LZTS1: variants seen among roughly 807,000 people sequenced by gnomAD.
LZTS1 encodes the protein leucine zipper putative tumor suppressor 1.
In LZTS1, 31 loss-of-function variants were observed where a neutral mutation model predicts 45.8. That is an observed-to-expected ratio of 0.68 (90% CI 0.51 to 0.91). The LOEUF is 0.91. Ranked by LOEUF, LZTS1 falls within the 40% of genes least tolerant of loss-of-function variation. LZTS1 has a pLI of 0.00. For synonymous variants in LZTS1, 359 were observed against 357.3 expected, an observed-to-expected ratio of 1.00 and a Z score of -0.05; for missense variants, 821 against 788.9, an observed-to-expected ratio of 1.04 and a Z score of -0.49.
In LZTS1 at chr8:20,255,126, C is replaced by A. The variant is rs201301606; in HGVS notation, c.56G>T (p.Arg19Leu). 1.2e-6 allele frequency: 2 copies of A among 1,614,120 alleles called. No homozygotes were observed. The highest frequency in any genetic ancestry group is 1.7e-5 in the Admixed American group (1 of 60,012). Residue 19 changes from arginine (R) to leucine (L), a missense_variant, in exon 2 of 4, where the codon CGG (arginine) becomes CTG (leucine). Coordinates refer to ENST00000381569, the MANE Select transcript of LZTS1 (RefSeq NM_021020.5). ...CTTGCGCAGCTTGTACTGCGAAGCC[C>A]GGCAGTGCTTGCTGTGGAAGCTGTG... ...SGHSFHSKHC[R>L]ASQYKLRKSS...
chr8:20,271,021 C>A (rs1274126651), intron 1 of LZTS1, among the ~76,000 whole-genome samples: 2 of 152,028 alleles, frequency 1.3e-5, no homozygotes, highest in Non-Finnish European at 2.9e-5. Flanking sequence ...TCAGGGAGGG[C>A]AGCTTTGGGT....
At chr8:20,300,418 C>T (rs1414335779) in intron 1 of LZTS1, among the ~76,000 whole-genome samples, 1 of 151,972 alleles carries the variant, frequency 6.6e-6, no homozygotes, top group Non-Finnish European at 1.5e-5. Context: ...CTGCAAGCTC[C>T]CCCTCCCGGG....
intron 1 of LZTS1, among the ~76,000 whole-genome samples, chr8:20,282,660 T>C (rs1800716327): frequency 6.6e-6 from 1 of 152,206 alleles, no homozygotes; most frequent in Non-Finnish European, 1.5e-5. Flanking sequence ...GTCCTGTGTG[T>C]GGTAGGACAT....
chr8:20,257,462 T>C (rs2128893551), intron 1 of LZTS1, among the ~76,000 whole-genome samples: 2 of 151,278 alleles, frequency 1.3e-5, no homozygotes, highest in South Asian at 2.1e-4. Flanking sequence ...ACAAGAGCAG[T>C]TTTGGAGGAA....
Position 20,248,686 on chromosome 8 carries a change from AGAG to A in LZTS1, c.*1033_*1035del. On this transcript the variant is annotated 3_prime_UTR_variant, in exon 4 of 4. Transcript: ENST00000381569. ...TTTGCCGCTAAACCTGGCTGTAGGC[AGAG>A]GAGGAAAATGCCCAGATCACATATA... 6.6e-6 allele frequency: 1 copy of A among 152,386 alleles called. No individual in the cohort carries two copies. The highest frequency in any genetic ancestry group is 1.9e-4 in the East Asian group (1 of 5,170). The allele number at this position is 152,386 out of a possible 1,614,324, so 9.4% of individuals were successfully genotyped here.
chr8:20,254,509 G>C (rs73669754), intron 2 of LZTS1, among the ~76,000 whole-genome samples: 2,124 of 152,238 alleles, frequency 0.014, 49 homozygotes, highest in African/African-American at 0.047. Context: ...TCTCCTTCCC[G>C]AGGCTTGGCA....
intron 1 of LZTS1, among the ~76,000 whole-genome samples, chr8:20,294,127 GT>G (rs1358041943): frequency 6.6e-6 from 1 of 152,136 alleles, no homozygotes; most frequent in Non-Finnish European, 1.5e-5. Flanking sequence ...AGTATCTGAA[GT>G]TTTTTCAGCA....
chr8:20,252,122 T>C (rs1392075128), intron 3 of LZTS1, among the ~76,000 whole-genome samples: 1 of 152,142 alleles, frequency 6.6e-6, no homozygotes, highest in African/African-American at 2.4e-5. Context: ...TTCCCACTAA[T>C]AGATGCAGAG....
At chr8:20,282,239 T>G (rs768299606) in intron 1 of LZTS1, among the ~76,000 whole-genome samples, 16 of 152,180 alleles carry the variant, frequency 1.1e-4, no homozygotes, top group Non-Finnish European at 2.1e-4. Context: ...ACTTCAAGTT[T>G]CAGAGAGGAA....
chr8:20,262,417 TGTGA>T (rs1800252854), intron 1 of LZTS1, among the ~76,000 whole-genome samples: 3 of 152,204 alleles, frequency 2.0e-5, no homozygotes, highest in South Asian at 4.2e-4. Flanking sequence ...AGGACAGGTG[TGTGA>T]GTGTGTGTTC....
At chr8:20,272,826 C>T (rs1800499759) in intron 1 of LZTS1, among the ~76,000 whole-genome samples, 2 of 152,216 alleles carry the variant, frequency 1.3e-5, no homozygotes, top group African/African-American at 4.8e-5. Flanking sequence ...CTCTCGTCAA[C>T]GCCAACCTTC....
chr8:20,285,029 C>T (rs13260323), intron 1 of LZTS1, among the ~76,000 whole-genome samples: 55,129 of 151,766 alleles, frequency 0.36, 10,551 homozygotes, highest in Admixed American at 0.46. Context: ...TCTCTGAAAA[C>T]GACATAAAGA....
At chr8:20,262,692 G>A (rs974540859) in intron 1 of LZTS1, among the ~76,000 whole-genome samples, 5 of 152,276 alleles carry the variant, frequency 3.3e-5, no homozygotes, top group Admixed American at 1.3e-4. Flanking sequence ...AGGACCTGGA[G>A]ACAAGACATT....
chr8:20,271,463 C>T (rs1461838354), intron 1 of LZTS1, among the ~76,000 whole-genome samples: 2 of 152,202 alleles, frequency 1.3e-5, no homozygotes, highest in African/African-American at 4.8e-5. Context: ...CTCCATGAAC[C>T]TTCCTGGTGA....
At chr8:20,279,751 C>G (rs112976432) in intron 1 of LZTS1, among the ~76,000 whole-genome samples, 54,107 of 148,778 alleles carry the variant, frequency 0.36, 10,521 homozygotes, top group East Asian at 0.44. Context: ...CTTTGGGAGG[C>G]CAAAGTGAGC....
chr8:20,260,163 A>G (rs576650776), intron 1 of LZTS1, among the ~76,000 whole-genome samples: 1 of 152,248 alleles, frequency 6.6e-6, no homozygotes, highest in East Asian at 1.9e-4. Context: ...TGGCCTCCCA[A>G]AGCACTGGGA....
intron 1 of LZTS1, among the ~76,000 whole-genome samples, chr8:20,257,762 C>T (rs767823778): frequency 1.3e-4 from 20 of 151,218 alleles, no homozygotes; most frequent in Non-Finnish European, 2.1e-4. Flanking sequence ...CTCCACCTCG[C>T]GGGTTCAAAT....
At chr8:20,261,702 C>T (rs998532476) in intron 1 of LZTS1, among the ~76,000 whole-genome samples, 1 of 152,256 alleles carries the variant, frequency 6.6e-6, no homozygotes, top group African/African-American at 2.4e-5. Context: ...CCTGACTCAT[C>T]GTCTCATCCC....
chr8:20,303,514 C>T (rs148031435), intron 1 of LZTS1, among the ~76,000 whole-genome samples: 3,422 of 152,370 alleles, frequency 0.022, 70 homozygotes, highest in South Asian at 0.071. Flanking sequence ...CGCACAGTCA[C>T]CTCCTCTGGG....
Sources: gnomAD v4.1 joint callset for allele counts (sites outside exome capture counted in the v4.1 genomes callset) on GRCh38, gnomAD v4.1.1 for gene constraint, MANE v1.5 for transcripts, NCBI Gene and HGNC (gene_info 2026-07-23, HGNC 2026-07-21) for gene names.